Variants in ATG7 observed in about 807,000 individuals in gnomAD.
ATG7 encodes autophagy related 7.
Under a neutral mutation model 82.4 loss-of-function variants are expected in ATG7, and 70 were observed. The observed-to-expected ratio is 0.85, with a 90% CI of 0.70 to 1.04. The LOEUF (loss-of-function observed/expected upper bound fraction) is 1.04. ATG7 is among the 50% of genes least tolerant of loss of function. ATG7 has a pLI of 0.00. For missense variants in ATG7, 792 were observed against 864.3 expected, an observed-to-expected ratio of 0.92 and a Z score of 1.05; for synonymous variants, 287 against 313.0, an observed-to-expected ratio of 0.92 and a Z score of 0.88.
At chr3:11,546,531 T>C (rs186183504) in intron 20 of ATG7, among the ~76,000 whole-genome samples, 18 of 152,152 alleles carry the variant, frequency 1.2e-4, no homozygotes, top group African/African-American at 3.9e-4. Context: ...AGAAATATAA[T>C]TGTGCCATTC....
the ATG7 span, chr3:11,564,834 C>T: frequency 1.9e-6 from 3 of 1,594,938 alleles, no homozygotes; most frequent in South Asian, 3.4e-5. Context: ...GGGCGAGAGG[C>T]CGGCTGGCCT....
chr3:11,310,974 A>G (rs1459020973), intron 7 of ATG7, among the ~76,000 whole-genome samples: 1 of 152,186 alleles, frequency 6.6e-6, no homozygotes, highest in Non-Finnish European at 1.5e-5. Context: ...TTGCTAGTTA[A>G]AGATTTCTAG....
rs1450227690 is a variant in ATG7 at position 11,404,908 on chromosome 3, A to G, written c.1957-21896A>G. Among the ~76,000 whole-genome samples the G allele has an allele frequency of 2.6e-5, 4 of 152,142 alleles. No individual in the cohort carries two copies. The East Asian group carries it at 7.7e-4, about 29-fold the overall frequency. ...TACCTCCTATTGGGTCCCTCCCACA[A>G]CACATGGGAATTATGGGAGCTACAA... On this transcript the variant is annotated intron_variant, in intron 19 of 20. Transcript: ENST00000693202.
chr3:11,398,225 C>T (rs1022118535), intron 19 of ATG7, among the ~76,000 whole-genome samples: 7 of 151,946 alleles, frequency 4.6e-5, no homozygotes, highest in African/African-American at 1.7e-4. Context: ...GAATACTGCA[C>T]CTAACTGAAA....
At chr3:11,374,368 C>A (rs1163079893) in intron 18 of ATG7, among the ~76,000 whole-genome samples, 7 of 152,310 alleles carry the variant, frequency 4.6e-5, no homozygotes. Context: ...ATGGAGACAG[C>A]AGCATTCCAC....
At chr3:11,306,009 T>C (rs1947661726) in intron 5 of ATG7, among the ~76,000 whole-genome samples, 2 of 152,248 alleles carry the variant, frequency 1.3e-5, no homozygotes, top group African/African-American at 4.8e-5. Context: ...ATCTGTAAAC[T>C]CTGAAATGCA....
chr3:11,358,053 G>T (rs2076048527), intron 14 of ATG7, among the ~76,000 whole-genome samples: 2 of 151,882 alleles, frequency 1.3e-5, no homozygotes. Flanking sequence ...AGAGGTACTT[G>T]GGTAGGCAGA....
In ATG7 at chr3:11,305,802, C is replaced by A. The variant is rs567325354; in HGVS notation, c.216-1141C>A. 2.8e-4 allele frequency among the ~76,000 whole-genome samples: 43 copies of A among 152,286 alleles called. No individual in the cohort carries two copies. The South Asian group carries it at 8.7e-3, about 31-fold the overall frequency. Reference sequence around the variant, plus strand: ...ACAGAGCCATGTCATTCATTGCACCCCTTCATACCTGTTCTAGGTTTAGAT... The same window carrying A: ...ACAGAGCCATGTCATTCATTGCACCACTTCATACCTGTTCTAGGTTTAGAT... On this transcript the variant is annotated intron_variant, in intron 5 of 20. Transcript: ENST00000693202.
intron 18 of ATG7, among the ~76,000 whole-genome samples, chr3:11,373,605 T>C (rs939922129): frequency 2.6e-5 from 4 of 152,202 alleles, no homozygotes; most frequent in African/African-American, 9.6e-5. Flanking sequence ...TTATAGACTT[T>C]GCACACTTCT....
At chr3:11,461,755 A>C (rs1382610303) in intron 20 of ATG7, among the ~76,000 whole-genome samples, 1 of 152,114 alleles carries the variant, frequency 6.6e-6, no homozygotes, top group African/African-American at 2.4e-5. Context: ...GGCCGGGCGC[A>C]GTGGCTCACA....
At chr3:11,513,642 A>G (rs1021020779) in intron 20 of ATG7, among the ~76,000 whole-genome samples, 7 of 152,168 alleles carry the variant, frequency 4.6e-5, no homozygotes, top group African/African-American at 1.7e-4. Flanking sequence ...ACCTCCCTGC[A>G]AGCTGAGGGA....
chr3:11,306,903 C>G (rs748574941), intron 5 of ATG7, 40 bp from the exon 6 acceptor site: 1 of 1,547,012 alleles, frequency 6.5e-7, no homozygotes, highest in South Asian at 1.1e-5. Context: ...CTGGCTGAGT[C>G]CCAGCTGTGC....
At chr3:11,492,757 A>C (rs1273263118) in intron 20 of ATG7, among the ~76,000 whole-genome samples, 1 of 152,060 alleles carries the variant, frequency 6.6e-6, no homozygotes. Flanking sequence ...TTGTTTGCTC[A>C]GGCCCATCGC....
In ATG7 at chr3:11,553,567, C is replaced by T. The variant is rs181313625; in HGVS notation, c.2080-1244C>T. On this transcript the variant is annotated intron_variant, in intron 20 of 20. Coordinates refer to ENST00000693202, the MANE Select transcript of ATG7 (RefSeq NM_001349232.2). Reference sequence around the variant, plus strand: ...GTCCCACCCTGGGGGAGTTTCCAGCCGCACTGAGGATGAGCTCGGTGGGGA... The same window carrying T: ...GTCCCACCCTGGGGGAGTTTCCAGCTGCACTGAGGATGAGCTCGGTGGGGA... 2.8e-4 allele frequency among the ~76,000 whole-genome samples: 42 copies of T among 152,304 alleles called. No homozygotes were observed. In the East Asian group the frequency reaches 7.5e-3, roughly 27 times the overall value.
chr3:11,428,200 A>G (rs1337751561), intron 20 of ATG7, among the ~76,000 whole-genome samples: 1 of 152,228 alleles, frequency 6.6e-6, no homozygotes, highest in Non-Finnish European at 1.5e-5. Flanking sequence ...GCAAAGATCT[A>G]TAAATTCCTC....
At chr3:11,562,039 A>C (rs566219736), downstream of ATG7, among the ~76,000 whole-genome samples, 22 of 151,982 alleles carry the variant, frequency 1.4e-4, no homozygotes, top group African/African-American at 5.3e-4. Context: ...CTGGGATTAC[A>C]GGCACCCACC....
rs1189037839 is a variant in ATG7, at chr3:11,298,903, G to C, written c.160+48G>C. 9.4e-6 allele frequency: 15 copies of C among 1,598,052 alleles called. No individual in the cohort carries two copies. In the South Asian group the frequency reaches 1.4e-4, roughly 15 times the overall value. ...TTCCATCATCTTCTGTTATCCTCAC[G>C]GTCCTCCAGTATAGTGTCAGCTTTC... On this transcript the variant is annotated intron_variant, in intron 4 of 20. Transcript: ENST00000693202.
intron 20 of ATG7, among the ~76,000 whole-genome samples, chr3:11,434,264 A>T (rs1044281653): frequency 2.0e-5 from 3 of 152,202 alleles, no homozygotes; most frequent in African/African-American, 7.2e-5. Flanking sequence ...AGAGCCTCTG[A>T]TGACAAATAT....
At chr3:11,389,946 T>C (rs2078656782) in intron 19 of ATG7, among the ~76,000 whole-genome samples, 1 of 152,152 alleles carries the variant, frequency 6.6e-6, no homozygotes, top group Non-Finnish European at 1.5e-5. Context: ...CTGGGAAAAA[T>C]TTGGATTTCT....
Sources: allele counts gnomAD v4.1 joint callset (sites outside exome capture counted in the v4.1 genomes callset), GRCh38; gene constraint gnomAD v4.1.1; transcripts MANE v1.5; gene names NCBI Gene and HGNC (gene_info 2026-07-23, HGNC 2026-07-21).